The following AGRN variants were observed in gnomAD, a reference collection of about 807,000 sequenced individuals.
AGRN encodes the protein agrin, also known as agrin proteoglycan.
A neutral mutation model predicts 211.0 loss-of-function variants in AGRN; 106 were observed. The observed-to-expected ratio is 0.50, with a 90% CI of 0.43 to 0.59. AGRN has a LOEUF of 0.59. AGRN is among the 20% of genes least tolerant of loss of function. AGRN has a pLI of 0.00. For missense variants in AGRN, 3,040 were observed against 2,982.6 expected, an observed-to-expected ratio of 1.02 and a Z score of -0.45; for synonymous variants, 1,525 against 1,332.5, an observed-to-expected ratio of 1.14 and a Z score of -3.15.
intron 3 of AGRN, among the ~76,000 whole-genome samples, chr1:1,037,453 C>G (rs978711237): frequency 4.6e-5 from 7 of 152,226 alleles, no homozygotes; most frequent in African/African-American, 1.4e-4. Context: ...CACAGCAGGG[C>G]TGGGGCATCC....
intron 20 of AGRN, 47 bp from the exon 21 acceptor site, chr1:1,047,526 G>T (rs146562180): frequency 1.2e-6 from 2 of 1,612,544 alleles, no homozygotes; most frequent in Non-Finnish European, 1.7e-6. Flanking sequence ...CACCAGGGCA[G>T]CCCGGCTTGG....
intron 3 of AGRN, among the ~76,000 whole-genome samples, chr1:1,036,405 G>T (rs746170299): frequency 6.6e-6 from 1 of 152,132 alleles, no homozygotes; most frequent in Non-Finnish European, 1.5e-5. Context: ...CCTGGGAACC[G>T]GAGCTGGATT....
chr1:1,042,142 G>A lies in AGRN; in HGVS notation c.1364G>A (p.Ser455Asn). Residue 455 changes from serine to asparagine, a missense_variant, in exon 7 of 36, where the codon AGC becomes AAC. Ser to Asn is a conservative substitution (Grantham distance 46). Transcript: ENST00000379370. Reference protein sequence around the residue: ...AECRQQRAIPSKHQGPCDQAP... With the variant: ...AECRQQRAIPNKHQGPCDQAP... The stretch of plus-strand genomic sequence containing the variant: ...TGCCGGCAGCAGCGTGCCATCCCCA[G>A]CAAGCACCAGGGCCCGTGTGGTGAG... The A allele has an allele frequency of 6.3e-7, 1 of 1,598,460 alleles. No individual in the cohort carries two copies.
chr1:1,028,051 T>G (rs1197168309), intron 2 of AGRN, among the ~76,000 whole-genome samples: 1 of 152,110 alleles, frequency 6.6e-6, no homozygotes, highest in East Asian at 1.9e-4. Context: ...ACCATGACCT[T>G]CACTGATTTC....
intron 3 of AGRN, among the ~76,000 whole-genome samples, chr1:1,036,636 G>A (rs1443858810): frequency 3.3e-5 from 5 of 152,090 alleles, no homozygotes; most frequent in Non-Finnish European, 7.4e-5. Flanking sequence ...GTGGCTGTGG[G>A]AACCCGTCCT....
intron 1 of AGRN, 146 bp downstream of exon 1, chr1:1,020,519 C>T: frequency 2.7e-6 from 2 of 745,254 alleles, no homozygotes; most frequent in South Asian, 6.7e-5. Flanking sequence ...GAGGGGGGGT[C>T]GCCGGGTCCC....
intron 12 of AGRN, 133 bp downstream of exon 12, chr1:1,044,572 C>T (rs1462641148): frequency 3.0e-6 from 3 of 985,198 alleles, no homozygotes; most frequent in Non-Finnish European, 4.5e-6. Context: ...TGAGCATCGT[C>T]CAGTGTTGGT....
rs1306655820 is a variant in AGRN, at chr1:1,051,261, C to T, written c.5262C>T (p.His1754=). The change falls in exon 31 of 36, where the codon CAC becomes CAT. Residue 1754 remains histidine, a synonymous_variant. Coordinates refer to ENST00000379370, the MANE Select transcript of AGRN (RefSeq NM_198576.4). Reference sequence around the variant, plus strand: ...ACCTGGCGTCCCCGCAGGTTCCGCACACCGTCCTCAACCTGAAGGAGCCGC... The same window carrying T: ...ACCTGGCGTCCCCGCAGGTTCCGCATACCGTCCTCAACCTGAAGGAGCCGC... ...PRVLGESPVP[H]TVLNLKEPLY... The T allele has an allele frequency of 1.3e-6, 2 of 1,581,634 alleles. No homozygotes were observed.
intron 2 of AGRN, among the ~76,000 whole-genome samples, chr1:1,023,522 C>G (rs931264465): frequency 1.3e-5 from 2 of 152,020 alleles, no homozygotes; most frequent in Admixed American, 1.3e-4. Flanking sequence ...CTTCTGGGCA[C>G]TCATGGTCTG....
chr1:1,052,416 G>A (rs1645324020), intron 33 of AGRN: 1 of 311,524 alleles, frequency 3.2e-6, no homozygotes, highest in Admixed American at 4.7e-5. Flanking sequence ...TGTATATGTG[G>A]GGGGGACATG....
intron 7 of AGRN, 71 bp from the exon 8 acceptor site, chr1:1,043,168 G>T (rs946198560): frequency 6.7e-7 from 1 of 1,501,020 alleles, no homozygotes. Flanking sequence ...GGACTGCTGC[G>T]TGGGGCTGGG....
At position 1,046,252 on chromosome 1, in the gene AGRN, G is replaced by A. The variant is rs778480989; in HGVS notation, c.2898G>A (p.Leu966=). 4.3e-6 allele frequency: 7 copies of A among 1,613,366 alleles called. No homozygotes were observed. Among genetic ancestry groups the A allele is most frequent in the South Asian group, 1.1e-5 (1 of 91,094 alleles). ...RQGLQISIQS[L]GPCQEAVAPS... is the part of the protein sequence containing the mutation. ...GCCTGCAAATCTCTATCCAGAGCCT[G>A]GGCCCGTGCCAGGGTGAGGCCTGAC... Residue 966 remains leucine (L), a synonymous_variant, in exon 17 of 36, where the codon CTG becomes CTA. Coordinates refer to ENST00000379370, the MANE Select transcript of AGRN (RefSeq NM_198576.4).
chr1:1,040,699 G>C lies in AGRN; in HGVS notation c.546G>C (p.Val182=), dbSNP rs1420617080. 1.3e-6 allele frequency: 2 copies of C among 1,547,802 alleles called. No homozygotes were observed. Among genetic ancestry groups the C allele is most frequent in the East Asian group, 2.4e-5 (1 of 40,916 alleles). The change falls in exon 4 of 36, where the codon GTG becomes GTC. Residue 182 remains valine (V), a synonymous_variant. Coordinates refer to ENST00000379370, the MANE Select transcript of AGRN (RefSeq NM_198576.4). ...CRGMLCGFGA[V]CEPNAEGPGR... is the part of the protein sequence containing the mutation. ...GAATGCTGTGCGGCTTCGGCGCCGT[G>C]TGCGAGCCCAACGCGGAGGGGCCGG... is the stretch of plus-strand genomic sequence containing the variant.
chr1:1,041,626 C>G lies in AGRN; in HGVS notation c.1101C>G (p.Asp367Glu), dbSNP rs754488616. The change falls in exon 6 of 36, where the codon GAC becomes GAG. Residue 367 changes from aspartate (D) to glutamate (E), a missense_variant. Physicochemically the swap from Asp to Glu is conservative, Grantham distance 45 (BLOSUM62 2). Coordinates refer to ENST00000379370, the MANE Select transcript of AGRN (RefSeq NM_198576.4). ...CGDDGVTYEN[D>E]CVMGRSGAAR... ...ACGACGGAGTCACCTACGAAAACGA[C>G]TGTGTCATGGGCCGATCGGGGGCCG... 5 of 1,611,354 alleles carry G rather than the reference C, an allele frequency of 3.1e-6. No homozygotes were observed. In the African/African-American group the frequency reaches 5.3e-5, roughly 17 times the overall value.
Position 1,048,963 on chromosome 1 carries a change from G to T in AGRN, c.4202G>T (p.Arg1401Leu), listed in dbSNP as rs777248655. The change falls in exon 24 of 36, where the codon CGG becomes CTG. Residue 1401 changes from arginine (R) to leucine (L), a missense_variant. Around this residue, in one of 3 missense-constraint regions of AGRN, gnomAD observed 1,537 missense variants for 1,505.0 expected, o/e 1.02. Transcript: ENST00000379370. This position sits in a 1 kb window ranked among gnomAD's most constrained non-coding sequence, Gnocchi z 5.9. ...YHTLRLALEF[R>L]ALEPQGLLLY... Reference sequence around the variant, plus strand: ...ACGCTGCGCCTGGCACTGGAATTCCGGGCGCTGGAGCCTCAGGGGCTGCTG... The same window carrying T: ...ACGCTGCGCCTGGCACTGGAATTCCTGGCGCTGGAGCCTCAGGGGCTGCTG... 2 of 1,572,510 alleles carry T rather than the reference G, an allele frequency of 1.3e-6. No homozygotes were observed. The highest frequency in any genetic ancestry group is 2.3e-5 in the South Asian group (2 of 85,706).
chr1:1,047,226 C>G, intron 19 of AGRN, 101 bp from the exon 20 acceptor site: 1 of 1,512,130 alleles, frequency 6.6e-7, no homozygotes, highest in Non-Finnish European at 8.8e-7. Flanking sequence ...CTAACATCCA[C>G]CTTCCCTTGC....
Position 1,051,264 on chromosome 1 carries a change from C to A in AGRN, c.5265C>A (p.Thr1755=). ...RVLGESPVPH[T]VLNLKEPLYV... is the part of the protein sequence containing the mutation. Reference sequence around the variant, plus strand: ...TGGCGTCCCCGCAGGTTCCGCACACCGTCCTCAACCTGAAGGAGCCGCTCT... The same window carrying A: ...TGGCGTCCCCGCAGGTTCCGCACACAGTCCTCAACCTGAAGGAGCCGCTCT... Residue 1755 remains threonine (T), a synonymous_variant, in exon 31 of 36, where the codon ACC becomes ACA. Transcript: ENST00000379370. The A allele has an allele frequency of 6.3e-7, 1 of 1,581,188 alleles. No homozygotes were observed. The highest frequency in any genetic ancestry group is 1.3e-5 in the African/African-American group (1 of 74,444).
chr1:1,052,128 A>T (rs1645313472), intron 33 of AGRN: 1 of 1,286,388 alleles, frequency 7.8e-7, no homozygotes, highest in Non-Finnish European at 1.0e-6. Context: ...GTGGCGGAGG[A>T]TGGGGGTCCG....
At chr1:1,033,944 C>T (rs1466102635) in intron 2 of AGRN, among the ~76,000 whole-genome samples, 1 of 151,696 alleles carries the variant, frequency 6.6e-6, no homozygotes, top group Non-Finnish European at 1.5e-5. Context: ...CTGGAGGCGG[C>T]TTCCTTTGTC....
Sources: gnomAD v4.1 joint callset for allele counts (sites outside exome capture counted in the v4.1 genomes callset) on GRCh38, gnomAD v4.1.1 for gene constraint, gnomAD v4.1.1 regional missense constraint, Gnocchi (gnomAD v3.1) non-coding constraint, MANE v1.5 for transcripts, NCBI Gene and HGNC (gene_info 2026-07-23, HGNC 2026-07-21) for gene names.